ERBB4: variants seen among roughly 807,000 people sequenced by gnomAD.
ERBB4 encodes erb-b2 receptor tyrosine kinase 4.
ERBB4 carries 42 observed loss-of-function variants against 158.0 expected under a neutral mutation model. The observed-to-expected ratio is 0.27, with a 90% CI of 0.21 to 0.34. ERBB4 has a LOEUF of 0.34. Among genes scored for constraint, ERBB4 ranks in the 10% least tolerant of loss-of-function variants. The pLI is 1.00. For synonymous variants in ERBB4, 583 were observed against 558.7 expected, an observed-to-expected ratio of 1.04 and a Z score of -0.61; for missense variants, 1,333 against 1,624.1, an observed-to-expected ratio of 0.82 and a Z score of 3.08.
intron 1 of ERBB4, among the ~76,000 whole-genome samples, chr2:212,490,557 A>G (rs1174851279): frequency 6.6e-6 from 1 of 151,828 alleles, no homozygotes; most frequent in Non-Finnish European, 1.5e-5. Context: ...AGTTTGAGAA[A>G]GTGTTTTGAA....
At chr2:212,206,579 C>T (rs2082752898) in intron 1 of ERBB4, among the ~76,000 whole-genome samples, 2 of 99,828 alleles carry the variant, frequency 2.0e-5, no homozygotes, top group African/African-American at 3.8e-5. Flanking sequence ...CTGTCTCCGT[C>T]TGTTCTGTTC....
intron 16 of ERBB4, among the ~76,000 whole-genome samples, chr2:211,646,145 G>A (rs936155072): frequency 4.0e-5 from 6 of 151,350 alleles, no homozygotes; most frequent in African/African-American, 1.5e-4. Context: ...TCCCTAATCT[G>A]TAAAGAAAAA....
chr2:211,826,413 T>A (rs1483709945), intron 3 of ERBB4, among the ~76,000 whole-genome samples: 5 of 151,860 alleles, frequency 3.3e-5, no homozygotes, highest in Non-Finnish European at 1.5e-5. Context: ...AAGTTATGAA[T>A]CATAAAAATA....
intron 20 of ERBB4, among the ~76,000 whole-genome samples, chr2:211,514,862 G>C (rs2065982427): frequency 6.6e-6 from 1 of 152,010 alleles, no homozygotes; most frequent in African/African-American, 2.4e-5. Flanking sequence ...GTATCACATT[G>C]GTGCTCAAAA....
chr2:211,989,900 T>C (rs1463879758), intron 2 of ERBB4, among the ~76,000 whole-genome samples: 1 of 152,008 alleles, frequency 6.6e-6, no homozygotes, highest in Admixed American at 6.6e-5. Flanking sequence ...ATGAATTTGG[T>C]GTATAAAATT....
intron 3 of ERBB4, among the ~76,000 whole-genome samples, chr2:211,915,456 T>C (rs2079663388): frequency 6.6e-6 from 1 of 150,650 alleles, no homozygotes; most frequent in South Asian, 2.1e-4. Context: ...TATATATATA[T>C]CTCCAATACA....
At chr2:212,342,803 T>C (rs1308397365) in intron 1 of ERBB4, among the ~76,000 whole-genome samples, 1 of 152,204 alleles carries the variant, frequency 6.6e-6, no homozygotes, top group African/African-American at 2.4e-5. Context: ...AACAATTACT[T>C]TGCATTATAC....
At chr2:211,716,617 A>C (rs528192325) in intron 7 of ERBB4, among the ~76,000 whole-genome samples, 2 of 152,080 alleles carry the variant, frequency 1.3e-5, no homozygotes, top group Non-Finnish European at 2.9e-5. Flanking sequence ...CGGAGCTTGC[A>C]GTGAGCCGAG....
chr2:211,933,708 C>G (rs930681134), intron 3 of ERBB4, among the ~76,000 whole-genome samples: 2 of 151,994 alleles, frequency 1.3e-5, no homozygotes, highest in Admixed American at 6.6e-5. Context: ...GAAAAACCCT[C>G]ATCTTAAGTA....
chr2:211,970,599 T>C (rs1045643751), intron 2 of ERBB4, among the ~76,000 whole-genome samples: 10 of 152,208 alleles, frequency 6.6e-5, no homozygotes, highest in Non-Finnish European at 1.3e-4. Flanking sequence ...TAGATCTTCT[T>C]GCTGAATTGA....
Position 212,243,778 on chromosome 2 carries a change from A to G in ERBB4, c.83-118875T>C, listed in dbSNP as rs530574466. 1.4e-3 allele frequency among the ~76,000 whole-genome samples: 219 copies of G among 152,284 alleles called. 1 individual carries two copies. Among genetic ancestry groups the G allele is most frequent in the African/African-American group, 4.9e-3 (205 of 41,572 alleles). ...CAAATGATGCCACCATCGATGGAATAATAGCTATTGAGCCAGATTCCCCAA... is the reference window on the plus strand; with the variant it reads ...CAAATGATGCCACCATCGATGGAATGATAGCTATTGAGCCAGATTCCCCAA... On this transcript the variant is annotated intron_variant, in intron 1 of 27. Coordinates refer to ENST00000342788, the MANE Select transcript of ERBB4 (RefSeq NM_005235.3).
At chr2:212,503,524 T>A (rs1009678658) in intron 1 of ERBB4, among the ~76,000 whole-genome samples, 1 of 152,172 alleles carries the variant, frequency 6.6e-6, no homozygotes, top group Non-Finnish European at 1.5e-5. Context: ...GATATCTAGA[T>A]ACTTTTTGTT....
chr2:211,730,674 G>A (rs1413027505), intron 5 of ERBB4, among the ~76,000 whole-genome samples: 1 of 151,948 alleles, frequency 6.6e-6, no homozygotes, highest in Non-Finnish European at 1.5e-5. Flanking sequence ...TAAGCTCCCA[G>A]GTAATGTCTC....
At chr2:211,727,940 G>C (rs2074317484) in intron 5 of ERBB4, among the ~76,000 whole-genome samples, 1 of 151,686 alleles carries the variant, frequency 6.6e-6, no homozygotes. Flanking sequence ...TTTATATCTG[G>C]GTTTGTGAAC....
intron 14 of ERBB4, among the ~76,000 whole-genome samples, chr2:211,672,316 T>C (rs1047045268): frequency 1.3e-5 from 2 of 152,114 alleles, no homozygotes; most frequent in Admixed American, 6.6e-5. Context: ...ACAGATAAAC[T>C]GGAAATTTGT....
chr2:211,444,743 T>A (rs2064068553), intron 20 of ERBB4, among the ~76,000 whole-genome samples: 1 of 152,090 alleles, frequency 6.6e-6, no homozygotes, highest in African/African-American at 2.4e-5. Context: ...AGAAATTATG[T>A]GCTGAACACT....
At chr2:211,438,122 T>G in intron 20 of ERBB4, among the ~76,000 whole-genome samples, 1 of 152,152 alleles carries the variant, frequency 6.6e-6, no homozygotes, top group Non-Finnish European at 1.5e-5. Flanking sequence ...TTTGGACATA[T>G]TGTTAACTAG....
intron 20 of ERBB4, among the ~76,000 whole-genome samples, chr2:211,554,030 A>T (rs1241393751): frequency 6.6e-6 from 1 of 152,200 alleles, no homozygotes; most frequent in Non-Finnish European, 1.5e-5. Flanking sequence ...ATTATTCATG[A>T]CAGTTTTTCT....
At chr2:211,929,818 G>T (rs1363442804) in intron 3 of ERBB4, among the ~76,000 whole-genome samples, 1 of 152,088 alleles carries the variant, frequency 6.6e-6, no homozygotes, top group Non-Finnish European at 1.5e-5. Context: ...ATGCATCTGT[G>T]TATGTGTCTA....
Sources: allele counts gnomAD v4.1 joint callset (sites outside exome capture counted in the v4.1 genomes callset), GRCh38; gene constraint gnomAD v4.1.1; transcripts MANE v1.5; gene names NCBI Gene and HGNC (gene_info 2026-07-23, HGNC 2026-07-21).